Variants in FER observed in about 807,000 individuals in gnomAD.
The protein encoded by FER is tyrosine-protein kinase Fer.
FER carries 63 observed loss-of-function variants against 111.0 expected under a neutral mutation model. That is an observed-to-expected ratio of 0.57 (90% CI 0.46 to 0.70). FER has a LOEUF of 0.70. FER is among the 30% of genes least tolerant of loss of function. The pLI is 0.00. For synonymous variants in FER, 327 were observed against 313.9 expected, an observed-to-expected ratio of 1.04 and a Z score of -0.44; for missense variants, 914 against 954.0, an observed-to-expected ratio of 0.96 and a Z score of 0.55.
At chr5:109,185,774 A>G (rs1451947754) in intron 18 of FER, among the ~76,000 whole-genome samples, 1 of 152,232 alleles carries the variant, frequency 6.6e-6, no homozygotes, top group Non-Finnish European at 1.5e-5. Flanking sequence ...TCATTTGGTA[A>G]GTTTAAATAC....
At chr5:109,111,704 T>G (rs1749640513) in intron 17 of FER, among the ~76,000 whole-genome samples, 1 of 151,490 alleles carries the variant, frequency 6.6e-6, no homozygotes, top group African/African-American at 2.4e-5. Flanking sequence ...GAAGAGGGAG[T>G]AAGCACTTTC....
chr5:109,012,753 T>C (rs1333280373), intron 13 of FER, among the ~76,000 whole-genome samples: 1 of 152,160 alleles, frequency 6.6e-6, no homozygotes, highest in African/African-American at 2.4e-5. Flanking sequence ...TTTTAAATTA[T>C]GAAGTGCCTT....
chr5:109,184,727 A>G (rs1213175758), intron 18 of FER, among the ~76,000 whole-genome samples: 1 of 152,226 alleles, frequency 6.6e-6, no homozygotes, highest in Non-Finnish European at 1.5e-5. Context: ...GTCCATAATT[A>G]CTATCTATCT....
intron 5 of FER, among the ~76,000 whole-genome samples, chr5:108,844,992 GTGTGTATATA>G (rs1246167369): frequency 5.0e-3 from 190 of 38,154 alleles, no homozygotes; most frequent in Non-Finnish European, 6.7e-3. Context: ...TGGTGTGTGT[GTGTGTATATA>G]TATATATATA....
At chr5:108,977,423 C>T (rs868231748) in intron 13 of FER, among the ~76,000 whole-genome samples, 87 of 151,994 alleles carry the variant, frequency 5.7e-4, no homozygotes, top group African/African-American at 2.0e-3. Context: ...TCTGCTTTTC[C>T]AAGTTGTCTC....
At chr5:109,070,931 C>T (rs1455086191) in intron 16 of FER, among the ~76,000 whole-genome samples, 1 of 151,924 alleles carries the variant, frequency 6.6e-6, no homozygotes, top group Non-Finnish European at 1.5e-5. Flanking sequence ...AATGATTCAT[C>T]TATCTTTCAA....
chr5:108,779,975 T>A (rs1472166116), intron 2 of FER, among the ~76,000 whole-genome samples: 1 of 152,202 alleles, frequency 6.6e-6, no homozygotes, highest in Non-Finnish European at 1.5e-5. Context: ...TATATCTGTA[T>A]ACACACACAT....
intron 17 of FER, among the ~76,000 whole-genome samples, chr5:109,159,156 G>T (rs1045555527): frequency 6.6e-6 from 1 of 151,966 alleles, no homozygotes; most frequent in African/African-American, 2.4e-5. Context: ...CCCCTGTTTT[G>T]GCTTTTCTAT....
intron 13 of FER, among the ~76,000 whole-genome samples, chr5:108,999,426 A>T (rs563645677): frequency 6.6e-5 from 10 of 152,152 alleles, no homozygotes; most frequent in Non-Finnish European, 1.3e-4. Flanking sequence ...ATGTAACACA[A>T]TTCATACATT....
At chr5:109,038,631 A>G (rs1256739484) in intron 14 of FER, among the ~76,000 whole-genome samples, 1 of 151,966 alleles carries the variant, frequency 6.6e-6, no homozygotes, top group Admixed American at 6.6e-5. Flanking sequence ...AGTGACTCAT[A>G]TGTTATTTCC....
chr5:108,783,234 C>T (rs964496871), intron 2 of FER, among the ~76,000 whole-genome samples: 1 of 152,172 alleles, frequency 6.6e-6, no homozygotes, highest in African/African-American at 2.4e-5. Context: ...GTGTCATCTT[C>T]ACTCTACTAT....
At chr5:108,861,220 C>T (rs1427865243) in intron 5 of FER, among the ~76,000 whole-genome samples, 3 of 152,122 alleles carry the variant, frequency 2.0e-5, no homozygotes, top group Non-Finnish European at 4.4e-5. Context: ...TATTTATTAT[C>T]AGCAGGTTTC....
intron 16 of FER, among the ~76,000 whole-genome samples, chr5:109,060,727 T>C (rs1177178226): frequency 6.6e-6 from 1 of 151,268 alleles, no homozygotes; most frequent in Non-Finnish European, 1.5e-5. Context: ...TGTTATTAAA[T>C]GTACTGTGAT....
intron 9 of FER, among the ~76,000 whole-genome samples, chr5:108,894,023 A>T (rs915274906): frequency 1.3e-4 from 19 of 148,428 alleles, no homozygotes; most frequent in Non-Finnish European, 7.4e-5. Context: ...TGTGGGACAG[A>T]TTCCTTCCAT....
chr5:109,184,657 T>A (rs533427122), intron 18 of FER, among the ~76,000 whole-genome samples: 17 of 152,218 alleles, frequency 1.1e-4, no homozygotes, highest in Admixed American at 4.6e-4. Context: ...AGTATTAAAT[T>A]ATTGAATGCC....
chr5:109,108,247 C>A (rs1749184069), intron 17 of FER, among the ~76,000 whole-genome samples: 1 of 152,088 alleles, frequency 6.6e-6, no homozygotes, highest in Admixed American at 6.6e-5. Context: ...AGTAACTTTT[C>A]TAATGTCACA....
chr5:108,761,937 G>T (rs1751799834), intron 1 of FER, among the ~76,000 whole-genome samples: 1 of 151,942 alleles, frequency 6.6e-6, no homozygotes, highest in African/African-American at 2.4e-5. Context: ...TTAAGATGGA[G>T]TCTCACTTTG....
At chr5:109,180,046 G>A (rs1758126996) in intron 17 of FER, among the ~76,000 whole-genome samples, 1 of 152,186 alleles carries the variant, frequency 6.6e-6, no homozygotes, top group Admixed American at 6.5e-5. Context: ...AGTGCAAAGG[G>A]TATACAGTGC....
chr5:108,964,247 AC>A (rs1347684415), intron 13 of FER, among the ~76,000 whole-genome samples: 4 of 152,256 alleles, frequency 2.6e-5, no homozygotes, highest in African/African-American at 7.2e-5. Context: ...TGTGTTGAGG[AC>A]AGTGTTTAGG....
Sources: gnomAD v4.1 joint callset for allele counts (sites outside exome capture counted in the v4.1 genomes callset) on GRCh38, gnomAD v4.1.1 for gene constraint, MANE v1.5 for transcripts, NCBI Gene and HGNC (gene_info 2026-07-23, HGNC 2026-07-21) for gene names.